EP400: variants seen among roughly 807,000 people sequenced by gnomAD.
EP400 encodes E1A-binding protein p400.
In EP400, 105 loss-of-function variants were observed where a neutral mutation model predicts 354.1. The ratio of observed to expected loss-of-function variants is 0.30; its 90% CI spans 0.25 to 0.35. The LOEUF is 0.35. Ranked by LOEUF, EP400 falls within the 10% of genes least tolerant of loss-of-function variation. The probability of loss-of-function intolerance (pLI) is 1.00; values close to 1 mark genes in which losing one functional copy is unlikely to be tolerated. For missense variants in EP400, 3,280 were observed against 4,121.0 expected (o/e 0.80, Z 5.59); for synonymous variants, 1,646 against 1,716.9 (o/e 0.96, Z 1.02).
Position 132,034,507 on chromosome 12 carries a change from C to G in EP400, c.5951+2358C>G, listed in dbSNP as rs547899718. Among the ~76,000 whole-genome samples, 16 of 152,348 alleles carry G rather than the reference C, an allele frequency of 1.1e-4. 1 individual carries two copies. Among genetic ancestry groups the G allele is most frequent in the African/African-American group, 3.6e-4 (15 of 41,572 alleles). On this transcript the variant is annotated intron_variant, in intron 30 of 52. Transcript: ENST00000389561. ...GGGTAAGGTGGTGCCAATGTGCTTGCAGTGTGGACGTCCTGATGAAGGCCG... is the reference window on the plus strand; with the variant it reads ...GGGTAAGGTGGTGCCAATGTGCTTGGAGTGTGGACGTCCTGATGAAGGCCG...
intron 32 of EP400, among the ~76,000 whole-genome samples, chr12:132,042,482 C>A (rs1278769072): frequency 2.0e-5 from 3 of 152,176 alleles, no homozygotes; most frequent in Non-Finnish European, 4.4e-5. Flanking sequence ...ACCTGAAGGT[C>A]ACCGGGCATC....
At chr12:132,046,256 C>T (rs1269733420) in intron 39 of EP400, among the ~76,000 whole-genome samples, 1 of 152,156 alleles carries the variant, frequency 6.6e-6, no homozygotes, top group African/African-American at 2.4e-5. Context: ...TATATATATA[C>T]ATTTTCAAGA....
In EP400 at chr12:131,978,013, C is replaced by G. The variant is rs528537065; in HGVS notation, c.1336-1681C>G. 2.4e-4 allele frequency among the ~76,000 whole-genome samples: 37 copies of G among 152,280 alleles called. No individual in the cohort carries two copies. In the Middle Eastern group the frequency reaches 0.024, roughly 98 times the overall value. ...AGTGATTTAAGGAATAATTTAGCAA[C>G]TAGTAATTAAGTCCTTAGCATTTAC... On this transcript the variant is annotated intron_variant, in intron 2 of 52. Transcript: ENST00000389561.
At chr12:132,023,964 A>G in intron 24 of EP400, 23 bp downstream of exon 24, 1 of 1,544,970 alleles carries the variant, frequency 6.5e-7, no homozygotes, top group Non-Finnish European at 8.7e-7. Context: ...ATGAGAGAGC[A>G]CTGATGCCAA....
chr12:132,058,353 A>ATTTTTTTTTTTTTTTTTT (rs60226464), intron 45 of EP400, among the ~76,000 whole-genome samples: 32 of 129,532 alleles, frequency 2.5e-4, no homozygotes, highest in African/African-American at 8.7e-4. Flanking sequence ...TAAAGATTGG[A>ATTTTTTTTTTTTTTTTTT]TTTTTTTTTT....
intron 32 of EP400, among the ~76,000 whole-genome samples, chr12:132,040,704 A>C (rs1894871007): frequency 6.6e-6 from 1 of 152,228 alleles, no homozygotes; most frequent in South Asian, 2.1e-4. Flanking sequence ...ATTTATTCAC[A>C]TGAGAAGTTG....
At chr12:132,053,076 C>G in intron 41 of EP400, 70 bp from the exon 42 acceptor site, 1 of 1,529,996 alleles carries the variant, frequency 6.5e-7, no homozygotes, top group Non-Finnish European at 9.1e-7. Context: ...CATGGTGTTT[C>G]TAGGGTACGT....
In EP400 at chr12:132,052,998, C is replaced by T. The variant is rs1219422741; in HGVS notation, c.7395-148C>T. 45 of 769,516 alleles carry T rather than the reference C, an allele frequency of 5.8e-5. 1 individual carries two copies. The South Asian group carries it at 6.9e-4, about 12-fold the overall frequency. 47.7% of individuals were successfully genotyped at this position (769,516 alleles called of 1,614,324 possible). A position where few individuals can be genotyped will look rare whatever the true frequency, so the allele number is the denominator to read the frequency against. ...GAGGTCTAGGTGGCTCGATCTCCTG[C>T]AGGGCACATTGGGCACCTTGCTTTA... On this transcript the variant is annotated intron_variant, in intron 41 of 52. Transcript: ENST00000389561. The surrounding 1 kb of genome is among the most constrained non-coding windows in gnomAD (Gnocchi z 4.4).
chr12:131,988,490 G>T (rs951647699), intron 7 of EP400, among the ~76,000 whole-genome samples: 6 of 152,266 alleles, frequency 3.9e-5, no homozygotes, highest in African/African-American at 1.4e-4. Flanking sequence ...GGACAGCAAG[G>T]GGCTGTCCTA....
Position 132,006,315 on chromosome 12 carries a change from G to A in EP400, c.3126+13G>A, listed in dbSNP as rs118032104. The A allele has an allele frequency of 2.4e-3, 3,931 of 1,612,742 alleles. 6 individuals carry two copies. Among genetic ancestry groups the A allele is most frequent in the Non-Finnish European group, 2.9e-3 (3,364 of 1,179,188 alleles). On this transcript the variant is annotated intron_variant, in intron 14 of 52. Transcript: ENST00000389561. Reference sequence around the variant, plus strand: ...GGTCACAACCTCGGTGAGGCGCTAAGCTTTCAAGTGTGGGATGGGCCTTTG... The same window carrying A: ...GGTCACAACCTCGGTGAGGCGCTAAACTTTCAAGTGTGGGATGGGCCTTTG...
At chr12:132,074,216 C>T (rs1020447689) in intron 51 of EP400, among the ~76,000 whole-genome samples, 8 of 152,134 alleles carry the variant, frequency 5.3e-5, no homozygotes, top group Admixed American at 2.6e-4. Context: ...TGAGCCACCG[C>T]GCCCGGTCGG....
chr12:132,048,198 G>A (rs550266531), intron 39 of EP400, among the ~76,000 whole-genome samples: 1 of 152,196 alleles, frequency 6.6e-6, no homozygotes. Context: ...AGCTTACAAA[G>A]ATGATGGGAT....
rs1891891080 is a variant in EP400, at chr12:131,961,770, A to G, written c.1151A>G (p.Lys384Arg). Residue 384 changes from lysine to arginine, a missense_variant, in exon 2 of 53, where the codon AAG becomes AGG. Lys to Arg is a conservative substitution (Grantham distance 26). Around this residue, in one of 20 missense-constraint regions of EP400, gnomAD observed 85 missense variants for 180.3 expected, o/e 0.47. Coordinates refer to ENST00000389561, the MANE Select transcript of EP400 (RefSeq NM_015409.5). Reference sequence around the variant, plus strand: ...ATGCAGGCTCTGAAGGAGGTCTTCAAGGAGTATTTGATTGAACTGTTTTTC... The same window carrying G: ...ATGCAGGCTCTGAAGGAGGTCTTCAGGGAGTATTTGATTGAACTGTTTTTC... ...QEMQALKEVF[K>R]EYLIELFFLQ... 1 of 1,614,244 alleles carries G rather than the reference A, an allele frequency of 6.2e-7. No homozygotes were observed. The highest frequency in any genetic ancestry group is 1.3e-5 in the African/African-American group (1 of 75,074).
At chr12:132,045,689 G>A (rs904982550) in intron 38 of EP400, 38 bp from the exon 39 acceptor site, 2 of 1,611,708 alleles carry the variant, frequency 1.2e-6, no homozygotes, top group Admixed American at 3.3e-5. Context: ...CTGACTTAGA[G>A]TGTATTCACC....
chr12:131,951,448 T>G (rs1392137533), intron 1 of EP400, among the ~76,000 whole-genome samples: 4 of 152,128 alleles, frequency 2.6e-5, no homozygotes, highest in Admixed American at 6.6e-5. Context: ...CTCCTAGTGC[T>G]GGGACTGTAG....
chr12:131,958,801 G>A (rs1273067009), intron 1 of EP400, among the ~76,000 whole-genome samples: 1 of 152,174 alleles, frequency 6.6e-6, no homozygotes, highest in Non-Finnish European at 1.5e-5. Flanking sequence ...CATTACAGGT[G>A]TGAGCCACCA....
chr12:132,003,686 C>T (rs1384760710), intron 12 of EP400, among the ~76,000 whole-genome samples: 1 of 152,106 alleles, frequency 6.6e-6, no homozygotes, highest in Non-Finnish European at 1.5e-5. Context: ...CCCAGCATTT[C>T]GCTCTGGAAG....
rs753945454 is a variant in EP400 at position 132,005,174 on chromosome 12, C to G, written c.2925C>G (p.Ser975Arg). ...PRPKPDGEDTSGEEDADDCPG... is the reference protein window; with the variant it reads ...PRPKPDGEDTRGEEDADDCPG... ...CGAAGCCTGATGGGGAGGACACAAGCGGAGAGGAAGGTGCGCTCCCAGCCT... is the reference window on the plus strand; with the variant it reads ...CGAAGCCTGATGGGGAGGACACAAGGGGAGAGGAAGGTGCGCTCCCAGCCT... Residue 975 changes from serine (S) to arginine (R), a missense_variant, in exon 13 of 53, where the codon AGC becomes AGG. By Grantham distance (110) the Ser-to-Arg change is moderately radical. This residue lies in a region of EP400 where 800 missense variants were observed against 840.0 expected (regional missense o/e 0.95). Transcript: ENST00000389561. 6.4e-7 allele frequency: 1 copy of G among 1,574,232 alleles called. No homozygotes were observed. Among genetic ancestry groups the G allele is most frequent in the Admixed American group, 1.9e-5 (1 of 53,536 alleles).
At chr12:131,981,096 C>T (rs779143898) in intron 3 of EP400, among the ~76,000 whole-genome samples, 5 of 152,122 alleles carry the variant, frequency 3.3e-5, no homozygotes, top group African/African-American at 7.2e-5. Context: ...GTTTTGAGCA[C>T]GCTGTGCAGC....
Sources: allele counts gnomAD v4.1 joint callset (sites outside exome capture counted in the v4.1 genomes callset), GRCh38; gene constraint gnomAD v4.1.1; regional missense constraint gnomAD v4.1.1; non-coding constraint Gnocchi (gnomAD v3.1); transcripts MANE v1.5; gene names NCBI Gene and HGNC (gene_info 2026-07-23, HGNC 2026-07-21).